Variants in ZC3H13 observed in about 807,000 individuals in gnomAD.
ZC3H13 encodes the protein zinc finger CCCH-type containing 13, also known as zinc finger CCCH domain-containing protein 13.
A neutral mutation model predicts 204.1 loss-of-function variants in ZC3H13; 64 were observed. That is an observed-to-expected ratio of 0.31 (90% CI 0.26 to 0.39). The LOEUF is 0.39. Ranked by LOEUF, ZC3H13 falls within the 10% of genes least tolerant of loss-of-function variation. The probability of loss-of-function intolerance (pLI) is 1.00; values close to 1 mark genes in which losing one functional copy is unlikely to be tolerated. For synonymous variants in ZC3H13, 667 were observed against 693.7 expected (o/e 0.96, Z 0.60); for missense variants, 1,833 against 2,082.7 (o/e 0.88, Z 2.33).
chr13:45,963,819 T>C (rs752580267), intron 17 of ZC3H13, 23 bp downstream of exon 17: 62 of 1,613,236 alleles, frequency 3.8e-5, no homozygotes, highest in Middle Eastern at 1.7e-4. Flanking sequence ...AGACATTATA[T>C]AGTTAAAGTA....
At chr13:45,970,965 C>G (rs1362611375) in intron 12 of ZC3H13, among the ~76,000 whole-genome samples, 1 of 152,106 alleles carries the variant, frequency 6.6e-6, no homozygotes, top group African/African-American at 2.4e-5. Context: ...ACCTTAGTTT[C>G]TCATCTGAAA....
chr13:46,003,955 C>CA (rs2040937301), intron 7 of ZC3H13, among the ~76,000 whole-genome samples: 1 of 152,020 alleles, frequency 6.6e-6, no homozygotes, highest in Non-Finnish European at 1.5e-5. Flanking sequence ...GCTATGACAC[C>CA]AAAGGCACAG....
chr13:45,977,303 C>A (rs1953135702), intron 11 of ZC3H13, among the ~76,000 whole-genome samples: 1 of 152,120 alleles, frequency 6.6e-6, no homozygotes. Flanking sequence ...TACAAGATAA[C>A]CTGAAACAAA....
intron 10 of ZC3H13, among the ~76,000 whole-genome samples, chr13:45,983,401 T>TATATATATATATATATATATATATATA (rs1953842302): frequency 2.5e-4 from 9 of 35,482 alleles, no homozygotes; most frequent in South Asian, 1.1e-3. Flanking sequence ...CCCCTTCTAC[T>TATATATATATATATATATATATATATA]TATATATATA....
intron 4 of ZC3H13, among the ~76,000 whole-genome samples, chr13:46,028,542 A>C (rs2042683798): frequency 6.6e-6 from 1 of 152,214 alleles, no homozygotes; most frequent in Non-Finnish European, 1.5e-5. Context: ...ATCATTCACC[A>C]AGACAGATCA....
At chr13:46,037,558 T>C (rs2043287465) in intron 4 of ZC3H13, among the ~76,000 whole-genome samples, 1 of 152,238 alleles carries the variant, frequency 6.6e-6, no homozygotes, top group African/African-American at 2.4e-5. Flanking sequence ...GTCTCTGCAA[T>C]ATAAAATGAA....
chr13:45,958,184 C>T lies in ZC3H13; in HGVS notation c.4840-887G>A, dbSNP rs540219457. Among the ~76,000 whole-genome samples, 127 of 152,208 alleles carry T rather than the reference C, an allele frequency of 8.3e-4. 1 individual carries two copies. Among genetic ancestry groups the T allele is most frequent in the Non-Finnish European group, 1.5e-3 (99 of 67,996 alleles). The stretch of plus-strand genomic sequence containing the variant: ...TTTAATCTTTGGAGATAAACTCATT[C>T]TTCTGTTTTTTAAAAATTGAATCCC... On this transcript the variant is annotated intron_variant, in intron 18 of 18. Transcript: ENST00000679008.
chr13:45,999,900 A>G (rs1429992489), intron 8 of ZC3H13, among the ~76,000 whole-genome samples: 1 of 152,198 alleles, frequency 6.6e-6, no homozygotes, highest in African/African-American at 2.4e-5. Flanking sequence ...CGAGCATGAA[A>G]CTATTAATCT....
intron 8 of ZC3H13, among the ~76,000 whole-genome samples, chr13:45,996,479 T>C (rs1160647532): frequency 1.3e-5 from 2 of 152,174 alleles, no homozygotes; most frequent in African/African-American, 4.8e-5. Flanking sequence ...AGTCCAAATA[T>C]ACTAATGGAA....
chr13:46,049,529 T>C (rs1160977259), intron 1 of ZC3H13, among the ~76,000 whole-genome samples: 2 of 152,216 alleles, frequency 1.3e-5, no homozygotes, highest in East Asian at 1.9e-4. Flanking sequence ...GCTTCATGCT[T>C]GTAAAGAACA....
In ZC3H13 at chr13:45,969,275, G is replaced by A. The variant is rs1250252736; in HGVS notation, c.3269C>T (p.Pro1090Leu). ...AGATAGAGGAGAAGGGGTACTACCAGGAGTCGTGGCGGTGGCAGTATGCTC... is the reference window on the plus strand; with the variant it reads ...AGATAGAGGAGAAGGGGTACTACCAAGAGTCGTGGCGGTGGCAGTATGCTC... Reference protein sequence around the residue: ...EAEHTATATTPGSTPSPLSSL... With the variant: ...EAEHTATATTLGSTPSPLSSL... Residue 1090 changes from proline to leucine, a missense_variant, in exon 14 of 19, where the codon CCT becomes CTT. Pro to Leu is a moderately conservative substitution (Grantham distance 98, BLOSUM62 -3). Transcript: ENST00000679008. The A allele has an allele frequency of 6.2e-7, 1 of 1,613,864 alleles. No individual in the cohort carries two copies. Among genetic ancestry groups the A allele is most frequent in the Non-Finnish European group, 8.5e-7 (1 of 1,180,012 alleles).
chr13:46,039,796 C>T (rs971125403), intron 4 of ZC3H13, among the ~76,000 whole-genome samples: 4 of 152,156 alleles, frequency 2.6e-5, no homozygotes, highest in South Asian at 4.1e-4. Flanking sequence ...ATATACATAA[C>T]GGGAACACTG....
intron 10 of ZC3H13, among the ~76,000 whole-genome samples, chr13:45,982,319 G>A (rs1422126090): frequency 1.3e-5 from 2 of 151,904 alleles, no homozygotes; most frequent in Non-Finnish European, 2.9e-5. Flanking sequence ...TAACATCTAG[G>A]AAAGAATGGA....
At position 45,969,309 on chromosome 13, in the gene ZC3H13, T is replaced by A. The variant is rs1324705606; in HGVS notation, c.3235A>T (p.Thr1079Ser). The A allele has an allele frequency of 6.2e-7, 1 of 1,613,792 alleles. No individual in the cohort carries two copies. The highest frequency in any genetic ancestry group is 8.5e-7 in the Non-Finnish European group (1 of 1,179,996). ...GCGGTGGCAGTATGCTCTGCTTCTG[T>A]CACCTCTGTACGGTCAGGGACATCC... is the stretch of plus-strand genomic sequence containing the variant. ...DEDVPDRTEV[T>S]EAEHTATATT... The change falls in exon 14 of 19, where the codon ACA (threonine) becomes TCA (serine). Residue 1079 changes from threonine to serine, a missense_variant. Physicochemically the swap from Thr to Ser is moderately conservative, Grantham distance 58. Coordinates refer to ENST00000679008, the MANE Select transcript of ZC3H13 (RefSeq NM_001330564.2).
intron 15 of ZC3H13, 22 bp downstream of exon 15, chr13:45,967,482 A>G: frequency 6.6e-7 from 1 of 1,512,092 alleles, no homozygotes. Flanking sequence ...GCAGTATCAC[A>G]GACAACAGAG....
chr13:45,990,712 T>A (rs2138293045), intron 8 of ZC3H13, among the ~76,000 whole-genome samples: 1 of 152,244 alleles, frequency 6.6e-6, no homozygotes, highest in South Asian at 2.1e-4. Flanking sequence ...TCTAAATGCA[T>A]CCTACTGAAC....
intron 4 of ZC3H13, among the ~76,000 whole-genome samples, chr13:46,034,542 T>C (rs1320242697): frequency 6.6e-6 from 1 of 152,164 alleles, no homozygotes; most frequent in Non-Finnish European, 1.5e-5. Context: ...ATATATATGA[T>C]TCCATTACAG....
intron 8 of ZC3H13, among the ~76,000 whole-genome samples, chr13:45,998,444 C>T (rs1415464676): frequency 6.6e-6 from 1 of 151,760 alleles, no homozygotes; most frequent in Non-Finnish European, 1.5e-5. Context: ...AGGAGATTGA[C>T]ACCATCCTGA....
At chr13:46,024,700 T>C (rs899984888) in intron 4 of ZC3H13, among the ~76,000 whole-genome samples, 9 of 148,736 alleles carry the variant, frequency 6.1e-5, no homozygotes, top group South Asian at 4.3e-4. Context: ...TCAGCTACTA[T>C]TTCTTAAAAT....
Sources: gnomAD v4.1 joint callset for allele counts (sites outside exome capture counted in the v4.1 genomes callset) on GRCh38, gnomAD v4.1.1 for gene constraint, MANE v1.5 for transcripts, NCBI Gene and HGNC (gene_info 2026-07-23, HGNC 2026-07-21) for gene names.